The following TIAL1 variants were observed in gnomAD, a reference collection of about 807,000 sequenced individuals.
TIAL1 encodes the protein nucleolysin TIAR.
TIAL1 carries 7 observed loss-of-function variants against 59.7 expected under a neutral mutation model. The ratio of observed to expected loss-of-function variants is 0.12; its 90% confidence interval spans 0.07 to 0.22. TIAL1 has a LOEUF of 0.22. Among genes scored for constraint, TIAL1 ranks in the 10% least tolerant of loss-of-function variants. The probability of loss-of-function intolerance (pLI) is 1.00; values close to 1 mark genes in which losing one functional copy is unlikely to be tolerated. For missense variants in TIAL1, 225 were observed against 462.5 expected (o/e 0.49, Z 4.71); for synonymous variants, 149 against 146.3 (o/e 1.02, Z -0.13).
At chr10:119,577,762 G>T in intron 7 of TIAL1, 26 bp from the exon 8 acceptor site, 1 of 1,553,808 alleles carries the variant, frequency 6.4e-7, no homozygotes, top group Non-Finnish European at 8.9e-7. Flanking sequence ...AAACAAAAAC[G>T]TTGACTGTTA....
rs1490533090 is a variant in TIAL1, at chr10:119,574,609, A to C, written c.*1056T>G. The C allele has an allele frequency of 1.4e-5, 2 of 146,894 alleles. No homozygotes were observed. Among genetic ancestry groups the C allele is most frequent in the Non-Finnish European group, 3.0e-5 (2 of 66,138 alleles). The allele number at this position is 146,894 out of a possible 1,614,324, so 9.1% of individuals were successfully genotyped here. The stretch of plus-strand genomic sequence containing the variant: ...AGCAAAAAAAAAAAAAAAAAAAAAC[A>C]AAAACAAAAAACTAATTCCCAATGA... On this transcript the variant is annotated 3_prime_UTR_variant, in exon 12 of 12. Coordinates refer to ENST00000436547, the MANE Select transcript of TIAL1 (RefSeq NM_003252.4).
At chr10:119,592,275 CTAAGAACAGGAACTGTAGGAACTGAA>C (rs1845919897) in intron 1 of TIAL1, 1 of 152,126 alleles carries the variant, frequency 6.6e-6, no homozygotes, top group African/African-American at 2.4e-5. Flanking sequence ...ATTTTGTCTT[CTAAGAACAGGAACTGTAGGAACTGAA>C]GCATTAAAAA....
Position 119,578,781 on chromosome 10 carries a change from T to C in TIAL1, c.501A>G (p.Gln167=), listed in dbSNP as rs780692882. The C allele has an allele frequency of 6.2e-7, 1 of 1,614,224 alleles. No individual in the cohort carries two copies. Among genetic ancestry groups the C allele is most frequent in the South Asian group, 1.1e-5 (1 of 91,082 alleles). ...HMGGQWLGGR[Q]IRTNWATRKP... ...TACGAGTGGCCCAATTGGTTCGGAT[T>C]TGACGACCACCCAACCACTGACCGC... is the stretch of plus-strand genomic sequence containing the variant. Residue 167 remains glutamine (Q), a synonymous_variant, in exon 7 of 12, where the codon CAA becomes CAG. Transcript: ENST00000436547.
intron 1 of TIAL1, among the ~76,000 whole-genome samples, chr10:119,590,973 T>C (rs1364107717): frequency 6.6e-6 from 1 of 152,228 alleles, no homozygotes; most frequent in Non-Finnish European, 1.5e-5. Context: ...ATCATTTTAA[T>C]ATAACACATT....
intron 11 of TIAL1, 110 bp downstream of exon 11, chr10:119,576,501 C>T: frequency 7.1e-7 from 1 of 1,400,004 alleles, no homozygotes; most frequent in South Asian, 1.4e-5. Context: ...GCTCATAATG[C>T]CAAATAGCTC....
chr10:119,591,671 C>G (rs1462546404), intron 1 of TIAL1, among the ~76,000 whole-genome samples: 1 of 152,072 alleles, frequency 6.6e-6, no homozygotes, highest in Non-Finnish European at 1.5e-5. Context: ...CATGAAAGGC[C>G]TTCCATAACA....
chr10:119,577,766 A>G, intron 7 of TIAL1, 30 bp from the exon 8 acceptor site: 1 of 1,540,102 alleles, frequency 6.5e-7, no homozygotes, highest in Non-Finnish European at 9.0e-7. Context: ...AAAAACGTTG[A>G]CTGTTATATT....
At chr10:119,591,167 GC>G in intron 1 of TIAL1, among the ~76,000 whole-genome samples, 1 of 152,196 alleles carries the variant, frequency 6.6e-6, no homozygotes, top group Non-Finnish European at 1.5e-5. Context: ...ACTCTGGGAA[GC>G]CGAGGCAGGT....
intron 6 of TIAL1, among the ~76,000 whole-genome samples, chr10:119,579,190 G>A (rs7098960): frequency 0.27 from 41,550 of 151,822 alleles, 6,165 homozygotes; most frequent in East Asian, 0.6. Flanking sequence ...ATATAAAAAT[G>A]AGCTGGGTGT....
At position 119,576,576 on chromosome 10, in the gene TIAL1, T is replaced by A. The variant is rs916941456; in HGVS notation, c.1001+35A>T. ...ACTTTTATTTATTTTGTCAGAACCA[T>A]ACGTTTCTATACTGGAAAAACCCAA... On this transcript the variant is annotated intron_variant, in intron 11 of 11. Coordinates refer to ENST00000436547, the MANE Select transcript of TIAL1 (RefSeq NM_003252.4). 9.0e-5 allele frequency: 144 copies of A among 1,606,294 alleles called. 1 individual carries two copies. The highest frequency in any genetic ancestry group is 1.1e-4 in the Non-Finnish European group (131 of 1,177,692).
rs1347602876 is a variant in TIAL1, at chr10:119,574,253, T to C, written c.*1412A>G. The C allele has an allele frequency of 6.6e-6, 1 of 152,362 alleles. No homozygotes were observed. Among genetic ancestry groups the C allele is most frequent in the East Asian group, 1.9e-4 (1 of 5,192 alleles). 9.4% of individuals were successfully genotyped at this position (152,362 alleles called of 1,614,324 possible). A position where few individuals can be genotyped will look rare whatever the true frequency, so the allele number is the denominator to read the frequency against. ...CGGTCTTCTGCATCTTCCAATTGATTCCTTTACAAACTCTGCACACATACA... is the reference window on the plus strand; with the variant it reads ...CGGTCTTCTGCATCTTCCAATTGATCCCTTTACAAACTCTGCACACATACA... On this transcript the variant is annotated 3_prime_UTR_variant, in exon 12 of 12. Coordinates refer to ENST00000436547, the MANE Select transcript of TIAL1 (RefSeq NM_003252.4).
intron 2 of TIAL1, among the ~76,000 whole-genome samples, chr10:119,583,094 C>G (rs1451763614): frequency 6.6e-6 from 1 of 151,976 alleles, no homozygotes; most frequent in Non-Finnish European, 1.5e-5. Context: ...GATTTCTTTT[C>G]TGGATATGGA....
At chr10:119,580,450 A>T (rs770783445) in intron 5 of TIAL1, 27 of 975,424 alleles carry the variant, frequency 2.8e-5, no homozygotes, top group Non-Finnish European at 3.4e-5. Flanking sequence ...AGAGGAAAAA[A>T]TAGGAATTAA....
At chr10:119,587,568 T>C (rs1361352980) in intron 2 of TIAL1, among the ~76,000 whole-genome samples, 1 of 152,022 alleles carries the variant, frequency 6.6e-6, no homozygotes, top group Non-Finnish European at 1.5e-5. Context: ...CAAGGAACTA[T>C]CTTTATTCAC....
chr10:119,594,523 CAT>C (rs1846053794), intron 1 of TIAL1, among the ~76,000 whole-genome samples: 1 of 152,196 alleles, frequency 6.6e-6, no homozygotes, highest in Non-Finnish European at 1.5e-5. Context: ...TTGTTAAATA[CAT>C]GTTAGCTAGT....
rs1844940663 is a variant in TIAL1 at position 119,575,448 on chromosome 10, A to C, written c.*217T>G. 1 of 437,400 alleles carries C rather than the reference A, an allele frequency of 2.3e-6. No individual in the cohort carries two copies. The highest frequency in any genetic ancestry group is 3.5e-5 in the South Asian group (1 of 28,408). 27.1% of individuals were successfully genotyped at this position (437,400 alleles called of 1,614,324 possible). A position where few individuals can be genotyped will look rare whatever the true frequency, so the allele number is the denominator to read the frequency against. ...GACTTTATTTTAGTTTTTGTACATA[A>C]AGAAAAATCATGTTCATATCCATCA... On this transcript the variant is annotated 3_prime_UTR_variant, in exon 12 of 12. Transcript: ENST00000436547.
intron 5 of TIAL1, 173 bp from the exon 6 acceptor site, chr10:119,580,183 A>G (rs1845235364): frequency 1.5e-5 from 8 of 516,714 alleles, no homozygotes; most frequent in Non-Finnish European, 2.6e-5. Flanking sequence ...TGTTAGAAAA[A>G]AGCAGTAGGA....
At chr10:119,578,052 C>A (rs573971030) in intron 7 of TIAL1, among the ~76,000 whole-genome samples, 2 of 152,104 alleles carry the variant, frequency 1.3e-5, no homozygotes, top group African/African-American at 4.8e-5. Flanking sequence ...CGGTGAAACC[C>A]TGTCTCTACT....
chr10:119,579,340 A>AAAAAC lies in TIAL1; in HGVS notation c.448-511_448-507dup, dbSNP rs368881636. Among the ~76,000 whole-genome samples, 125 of 152,294 alleles carry AAAAAC rather than the reference A, an allele frequency of 8.2e-4. 1 individual carries two copies. The East Asian group carries it at 0.02, about 24-fold the overall frequency. On this transcript the variant is annotated intron_variant, in intron 6 of 11. Coordinates refer to ENST00000436547, the MANE Select transcript of TIAL1 (RefSeq NM_003252.4). ...GCAACAGAGCGAGACTCTATCTCAA[A>AAAAAC]AAAACAAAACAAAACAAAACAAAAC...
Sources: gnomAD v4.1 joint callset for allele counts (sites outside exome capture counted in the v4.1 genomes callset) on GRCh38, gnomAD v4.1.1 for gene constraint, MANE v1.5 for transcripts, NCBI Gene and HGNC (gene_info 2026-07-23, HGNC 2026-07-21) for gene names.